The following FAM13C variants were observed in gnomAD, a reference collection of about 807,000 sequenced individuals.
The protein encoded by FAM13C is family with sequence similarity 13 member C, also known as protein FAM13C.
Under a neutral mutation model 73.2 loss-of-function variants are expected in FAM13C, and 37 were observed. That is an observed-to-expected ratio of 0.51 (90% CI 0.39 to 0.67). The LOEUF is 0.67. Ranked by LOEUF, FAM13C falls within the 30% of genes least tolerant of loss-of-function variation. The pLI is 0.00. For missense variants in FAM13C, 589 were observed against 715.6 expected, an observed-to-expected ratio of 0.82 and a Z score of 2.02; for synonymous variants, 246 against 260.9, an observed-to-expected ratio of 0.94 and a Z score of 0.55.
At chr10:59,253,085 C>T in intron 11 of FAM13C, 87 bp from the exon 12 acceptor site, 1 of 1,359,102 alleles carries the variant, frequency 7.4e-7, no homozygotes, top group Non-Finnish European at 1.0e-6. Flanking sequence ...AACTATAAAT[C>T]AATGCCATGA....
intron 8 of FAM13C, among the ~76,000 whole-genome samples, chr10:59,268,200 A>G (rs2133536908): frequency 6.7e-6 from 1 of 150,016 alleles, no homozygotes; most frequent in African/African-American, 2.5e-5. Flanking sequence ...GCAATTGAGA[A>G]AAAGTGAAAA....
chr10:59,328,487 A>AAAAACAAAAC (rs58693118), intron 3 of FAM13C, among the ~76,000 whole-genome samples: 10 of 151,976 alleles, frequency 6.6e-5, no homozygotes, highest in African/African-American at 2.2e-4. Flanking sequence ...GGCCATCAAG[A>AAAAACAAAAC]AAAACAAAAC....
chr10:59,273,095 G>C (rs1388152087), intron 6 of FAM13C, among the ~76,000 whole-genome samples: 2 of 152,130 alleles, frequency 1.3e-5, no homozygotes, highest in African/African-American at 4.8e-5. Context: ...CCAGGATATG[G>C]GGAGACTACT....
chr10:59,304,686 C>A (rs2133878740), intron 4 of FAM13C, among the ~76,000 whole-genome samples: 1 of 144,034 alleles, frequency 6.9e-6, no homozygotes, highest in East Asian at 2.1e-4. Flanking sequence ...ATAATCTGTA[C>A]AACAAACCCG....
At chr10:59,297,607 C>T (rs184495963) in intron 5 of FAM13C, among the ~76,000 whole-genome samples, 2 of 152,216 alleles carry the variant, frequency 1.3e-5, no homozygotes, top group African/African-American at 4.8e-5. Context: ...ATGCTATTGT[C>T]TGGCTTCATA....
At chr10:59,299,305 G>A (rs1847282751) in intron 5 of FAM13C, among the ~76,000 whole-genome samples, 1 of 152,000 alleles carries the variant, frequency 6.6e-6, no homozygotes, top group African/African-American at 2.4e-5. Context: ...CCTAGAGTTA[G>A]CCCAATTCAA....
chr10:59,314,357 T>C (rs1460730865), intron 4 of FAM13C, among the ~76,000 whole-genome samples: 1 of 152,160 alleles, frequency 6.6e-6, no homozygotes, highest in Non-Finnish European at 1.5e-5. Flanking sequence ...CTTGCGACAG[T>C]AGCTCTGGGA....
intron 5 of FAM13C, chr10:59,300,888 G>A (rs1425126890): frequency 2.0e-5 from 3 of 152,198 alleles, no homozygotes; most frequent in East Asian, 1.9e-4. Flanking sequence ...TGCACACTTT[G>A]TAAGAATTCA....
intron 6 of FAM13C, among the ~76,000 whole-genome samples, chr10:59,272,529 T>A (rs1843825388): frequency 6.6e-6 from 1 of 152,202 alleles, no homozygotes; most frequent in South Asian, 2.1e-4. Context: ...GAGAAGCTGA[T>A]GGCAATATTA....
At chr10:59,314,531 TC>T (rs1261204203) in intron 4 of FAM13C, among the ~76,000 whole-genome samples, 1 of 152,210 alleles carries the variant, frequency 6.6e-6, no homozygotes, top group Non-Finnish European at 1.5e-5. Context: ...CCTAGGCCCT[TC>T]CCAGGGGCTC....
At chr10:59,329,566 C>T (rs890073708) in intron 3 of FAM13C, among the ~76,000 whole-genome samples, 2 of 151,826 alleles carry the variant, frequency 1.3e-5, no homozygotes, top group African/African-American at 4.8e-5. Context: ...ACCAGGTTGG[C>T]CAGTCTGGTC....
intron 11 of FAM13C, among the ~76,000 whole-genome samples, chr10:59,253,345 G>C (rs535199484): frequency 8.5e-4 from 129 of 152,312 alleles, no homozygotes; most frequent in African/African-American, 3.0e-3. Flanking sequence ...CTGGGCTCCA[G>C]CTTAATACTT....
intron 4 of FAM13C, among the ~76,000 whole-genome samples, chr10:59,308,317 C>T (rs1163904788): frequency 1.3e-5 from 2 of 151,652 alleles, no homozygotes; most frequent in African/African-American, 4.8e-5. Context: ...CCACTACTAC[C>T]ACCATGACTA....
intron 3 of FAM13C, among the ~76,000 whole-genome samples, chr10:59,346,443 C>A (rs1347526310): frequency 6.6e-6 from 1 of 152,178 alleles, no homozygotes; most frequent in Non-Finnish European, 1.5e-5. Flanking sequence ...GTGGAAGAAA[C>A]CTGATGCTGA....
At chr10:59,316,962 T>C (rs1029787578) in intron 4 of FAM13C, among the ~76,000 whole-genome samples, 1 of 152,208 alleles carries the variant, frequency 6.6e-6, no homozygotes, top group Admixed American at 6.5e-5. Flanking sequence ...AATGTAATTA[T>C]GTATAATATA....
chr10:59,297,907 A>AT (rs1847107764), intron 5 of FAM13C, among the ~76,000 whole-genome samples: 1 of 151,736 alleles, frequency 6.6e-6, no homozygotes, highest in South Asian at 2.1e-4. Context: ...GGACAAAAAA[A>AT]AAAGTCAGTA....
intron 4 of FAM13C, among the ~76,000 whole-genome samples, chr10:59,303,150 C>T (rs539795777): frequency 3.9e-5 from 6 of 152,308 alleles, no homozygotes; most frequent in Non-Finnish European, 7.3e-5. Flanking sequence ...TGCTTGCTCC[C>T]TGTTCAAACC....
chr10:59,341,163 A>G (rs1363548191), intron 3 of FAM13C, among the ~76,000 whole-genome samples: 2 of 152,076 alleles, frequency 1.3e-5, no homozygotes, highest in Non-Finnish European at 2.9e-5. Context: ...CTAAACGCCA[A>G]TTGCTACCCC....
In FAM13C at chr10:59,287,920, T is replaced by C. The variant is rs959076205; in HGVS notation, c.508-4473A>G. On this transcript the variant is annotated intron_variant, in intron 5 of 13. Transcript: ENST00000618804. The stretch of plus-strand genomic sequence containing the variant: ...CTCATCACTTTACCCCCCAGGGTCT[T>C]ATTTCTGCACCTGCCTAGCAAGGCC... Among the ~76,000 whole-genome samples, 9 of 152,190 alleles carry C rather than the reference T, an allele frequency of 5.9e-5. No individual in the cohort carries two copies. In the East Asian group the frequency reaches 1.7e-3, roughly 29 times the overall value.
Sources: gnomAD v4.1 joint callset for allele counts (sites outside exome capture counted in the v4.1 genomes callset) on GRCh38, gnomAD v4.1.1 for gene constraint, MANE v1.5 for transcripts, NCBI Gene and HGNC (gene_info 2026-07-23, HGNC 2026-07-21) for gene names.